Variants in AKAP19 observed in about 807,000 individuals in gnomAD.
AKAP19 encodes the protein small A-kinase anchoring protein.
chr2:190,180,808 A>G, the AKAP19 span: 1 of 985,254 alleles, frequency 1.0e-6, no homozygotes, highest in African/African-American at 1.7e-5. The surrounding 1 kb of genome is among the most constrained non-coding windows in gnomAD (Gnocchi z 6.8). Flanking sequence ...CGCGGCGGCG[A>G]CGGCAGGAGG....
the AKAP19 span, among the ~76,000 whole-genome samples, chr2:190,183,293 A>G: frequency 2.0e-5 from 3 of 152,180 alleles, no homozygotes; most frequent in African/African-American, 7.2e-5. Context: ...CCTTCAGTAG[A>G]TTTTGCTTGA....
At chr2:190,135,434 G>GA in the AKAP19 span, among the ~76,000 whole-genome samples, 1 of 152,112 alleles carries the variant, frequency 6.6e-6, no homozygotes, top group Non-Finnish European at 1.5e-5. Context: ...ACTAAATTTT[G>GA]AAAAACTCTG....
At chr2:190,164,613 A>C in the AKAP19 span, among the ~76,000 whole-genome samples, 1 of 152,180 alleles carries the variant, frequency 6.6e-6, no homozygotes, top group Non-Finnish European at 1.5e-5. Context: ...CTTGAAAATA[A>C]ATTTTTTTCA....
At chr2:189,923,861 A>T in the AKAP19 span, 3 of 1,610,926 alleles carry the variant, frequency 1.9e-6, no homozygotes, top group Non-Finnish European at 2.5e-6. Context: ...TGGAAAGTTG[A>T]AAGGAGATGA....
chr2:190,062,252 C>T, the AKAP19 span: 12 of 1,612,932 alleles, frequency 7.4e-6, no homozygotes, highest in Admixed American at 3.3e-5. Flanking sequence ...TGATTGTTTC[C>T]GTTGTAGCGT....
the AKAP19 span, chr2:190,056,621 A>G: frequency 6.5e-6 from 1 of 152,706 alleles, no homozygotes; most frequent in South Asian, 2.1e-4. Context: ...GAAAAGAGAA[A>G]CTTACTATTT....
the AKAP19 span, among the ~76,000 whole-genome samples, chr2:190,115,247 A>G: frequency 1.0e-5 from 1 of 99,808 alleles, no homozygotes; most frequent in Non-Finnish European, 2.0e-5. Context: ...GGAAGGAGAG[A>G]CAAGGCAAGA....
chr2:189,926,669 C>T, the AKAP19 span, among the ~76,000 whole-genome samples: 31 of 149,470 alleles, frequency 2.1e-4, no homozygotes, highest in African/African-American at 7.2e-4. Context: ...CAAGCTCTGC[C>T]TCCCAGGTTC....
At chr2:189,936,718 G>T in the AKAP19 span, among the ~76,000 whole-genome samples, 1 of 152,104 alleles carries the variant, frequency 6.6e-6, no homozygotes, top group Non-Finnish European at 1.5e-5. Flanking sequence ...TAATAAAAAG[G>T]AATGATCTGA....
chr2:190,126,700 A>G, the AKAP19 span, among the ~76,000 whole-genome samples: 589 of 152,284 alleles, frequency 3.9e-3, 5 homozygotes, highest in African/African-American at 0.013. Flanking sequence ...GTAAGAAAAC[A>G]TAAAGCAAAT....
chr2:190,186,001 G>C, the AKAP19 span, among the ~76,000 whole-genome samples: 1 of 152,106 alleles, frequency 6.6e-6, no homozygotes, highest in Admixed American at 6.5e-5. This position sits in a 1 kb window ranked among gnomAD's most constrained non-coding sequence, Gnocchi z 5.5. Context: ...GCCCAGGCTG[G>C]AGTGCAGTGG....
At chr2:190,145,886 T>A in the AKAP19 span, among the ~76,000 whole-genome samples, 95,646 of 130,118 alleles carry the variant, frequency 0.74, 31,863 homozygotes, top group South Asian at 0.85. Flanking sequence ...TATATATATA[T>A]AAAGAGATTC....
At chr2:189,944,875 T>C in the AKAP19 span, among the ~76,000 whole-genome samples, 3 of 152,142 alleles carry the variant, frequency 2.0e-5, no homozygotes, top group Non-Finnish European at 2.9e-5. Context: ...TTCAAAAATA[T>C]TGAAATCATA....
At chr2:189,886,729 G>A in the AKAP19 span, among the ~76,000 whole-genome samples, 1 of 152,134 alleles carries the variant, frequency 6.6e-6, no homozygotes, top group Admixed American at 6.6e-5. Context: ...TAGAAGTTAA[G>A]GCATTCTAGA....
the AKAP19 span, among the ~76,000 whole-genome samples, chr2:189,901,140 G>GA: frequency 4.7e-5 from 7 of 150,238 alleles, no homozygotes; most frequent in Admixed American, 1.3e-4. Flanking sequence ...ACTATATTCT[G>GA]AAAAAAAAAT....
the AKAP19 span, among the ~76,000 whole-genome samples, chr2:190,072,079 T>C: frequency 6.6e-6 from 1 of 152,138 alleles, no homozygotes; most frequent in African/African-American, 2.4e-5. Context: ...AATGCAGCCA[T>C]AAAAAAGAAC....
the AKAP19 span, among the ~76,000 whole-genome samples, chr2:190,112,441 A>T: frequency 1.3e-5 from 2 of 152,184 alleles, no homozygotes; most frequent in Non-Finnish European, 2.9e-5. Context: ...AGTATTCTGT[A>T]TCAAAAAGAA....
At chr2:190,180,432 G>A in the AKAP19 span, 1 of 978,096 alleles carries the variant, frequency 1.0e-6, no homozygotes, top group African/African-American at 1.7e-5. This position sits in a 1 kb window ranked among gnomAD's most constrained non-coding sequence, Gnocchi z 6.8. Flanking sequence ...TCGCAGCCCA[G>A]GGGGCCGAGA....
the AKAP19 span, among the ~76,000 whole-genome samples, chr2:189,891,610 C>T: frequency 6.6e-6 from 1 of 152,080 alleles, no homozygotes; most frequent in African/African-American, 2.4e-5. Context: ...TGCTGTTAGT[C>T]TGATGGGCTT....
Sources: allele counts gnomAD v4.1 joint callset (sites outside exome capture counted in the v4.1 genomes callset), GRCh38; gene constraint gnomAD v4.1.1; non-coding constraint Gnocchi (gnomAD v3.1); transcripts MANE v1.5; gene names NCBI Gene and HGNC (gene_info 2026-07-23, HGNC 2026-07-21).